HLA-G: variants seen among roughly 807,000 people sequenced by gnomAD.
HLA-G encodes major histocompatibility complex, class I, G.
In HLA-G, 34 loss-of-function variants were observed where a neutral mutation model predicts 39.3. The observed-to-expected ratio is 0.86, with a 90% CI of 0.66 to 1.15. The LOEUF (loss-of-function observed/expected upper bound fraction) is 1.15. Ranked by LOEUF, HLA-G falls within the 50% of genes most tolerant of loss-of-function variation. The probability of loss-of-function intolerance (pLI) is 0.00; values close to 1 mark genes in which losing one functional copy is unlikely to be tolerated. For synonymous variants in HLA-G, 183 were observed against 185.8 expected (o/e 0.99, Z 0.12); for missense variants, 419 against 456.4 (o/e 0.92, Z 0.75).
chr6:29,829,956 G>A lies in HLA-G; in HGVS notation c.1012+24G>A. The A allele has an allele frequency of 1.9e-6, 3 of 1,541,280 alleles. No individual in the cohort carries two copies. The South Asian group carries it at 3.4e-5, about 18-fold the overall frequency. On this transcript the variant is annotated intron_variant, in intron 5 of 6. Coordinates refer to ENST00000360323, the MANE Select transcript of HLA-G (RefSeq NM_001384290.1). Reference sequence around the variant, plus strand: ...AGGTAAGGAAGGGGTGACAAGTGGGGTCTGAGTTTTCTTGTCCCACTGGGG... The same window carrying A: ...AGGTAAGGAAGGGGTGACAAGTGGGATCTGAGTTTTCTTGTCCCACTGGGG...
At position 29,829,270 on chromosome 6, in the gene HLA-G, G is replaced by GA. The variant is rs573587772; in HGVS notation, c.620-148_620-147insA. 125 of 869,308 alleles carry GA rather than the reference G, an allele frequency of 1.4e-4. No individual in the cohort carries two copies. The African/African-American group carries it at 2.0e-3, about 14-fold the overall frequency. The allele number at this position is 869,308 out of a possible 1,614,324, so 53.8% of individuals were successfully genotyped here. A position where few individuals can be genotyped will look rare whatever the true frequency, so the allele number is the denominator to read the frequency against. ...TCCAAGGAATAGGAGATTATCCCAG[G>GA]TGCCCGTGTCCAGGCTGGTGTCTGG... On this transcript the variant is annotated intron_variant, in intron 3 of 6. Coordinates refer to ENST00000360323, the MANE Select transcript of HLA-G (RefSeq NM_001384290.1).
chr6:29,828,197 G>A lies in HLA-G; in HGVS notation c.224G>A (p.Trp75Ter). ...CCGAGGATGGAGCCGCGGGCGCCGT[G>A]GGTGGAGCAGGAGGGGCCGGAGTAT... Reference protein sequence around the residue: ...ACPRMEPRAPWVEQEGPEYWE... With the variant: ...ACPRMEPRAP The change falls in exon 2 of 7, where the codon TGG becomes TAG. Residue 75 changes from tryptophan to a stop codon, truncating the protein, a stop_gained. Transcript: ENST00000360323. LOFTEE classifies it high-confidence loss of function. 6.2e-7 allele frequency: 1 copy of A among 1,613,534 alleles called. No individual in the cohort carries two copies. Among genetic ancestry groups the A allele is most frequent in the Non-Finnish European group, 8.5e-7 (1 of 1,179,874 alleles).
chr6:29,827,674 C>T (rs1026619712), upstream of HLA-G: 8 of 730,946 alleles, frequency 1.1e-5, no homozygotes, highest in African/African-American at 1.2e-4. Context: ...GGGATTCTCT[C>T]CTCCTTCTCC....
intron 4 of HLA-G, 36 bp from the exon 5 acceptor site, chr6:29,829,780 G>A: frequency 6.2e-7 from 1 of 1,600,590 alleles, no homozygotes; most frequent in Non-Finnish European, 8.5e-7. Flanking sequence ...GTGAGGGCTG[G>A]GGGTCAGAGA....
chr6:29,827,927 G>A lies in HLA-G; in HGVS notation c.73+10G>A. On this transcript the variant is annotated intron_variant, in intron 1 of 6. Transcript: ENST00000360323. Reference sequence around the variant, plus strand: ...ACCGAGACCTGGGCGGGTGAGTGCGGGGTCAGGAGGGAAACAGCCCCTGCG... The same window carrying A: ...ACCGAGACCTGGGCGGGTGAGTGCGAGGTCAGGAGGGAAACAGCCCCTGCG... 1 of 1,607,664 alleles carries A rather than the reference G, an allele frequency of 6.2e-7. No homozygotes were observed. Among genetic ancestry groups the A allele is most frequent in the Non-Finnish European group, 8.5e-7 (1 of 1,177,346 alleles).
chr6:29,827,310 A>G, upstream of HLA-G: 1 of 357,362 alleles, frequency 2.8e-6, no homozygotes, highest in Admixed American at 3.8e-5. Flanking sequence ...GGGGGAAAAA[A>G]AACCCTGTCT....
chr6:29,828,421 G>C (rs1171056859), intron 2 of HLA-G, 105 bp downstream of exon 2: 3 of 1,549,446 alleles, frequency 1.9e-6, no homozygotes, highest in Non-Finnish European at 2.6e-6. Context: ...CCCCGAGGCC[G>C]CGGGACCCGC....
chr6:29,826,560 T>C (rs1343934061), upstream of HLA-G, among the ~76,000 whole-genome samples: 1 of 151,624 alleles, frequency 6.6e-6, no homozygotes, highest in Non-Finnish European at 1.5e-5. Context: ...GAGAGGGTGG[T>C]GGGGATTAAG....
chr6:29,827,763 G>C, upstream of HLA-G: 1 of 1,396,968 alleles, frequency 7.2e-7, no homozygotes, highest in Non-Finnish European at 1.0e-6. Flanking sequence ...CAGGTTTTTA[G>C]AGAAGCCAAT....
intron 6 of HLA-G, 91 bp downstream of exon 6, chr6:29,830,501 T>C (rs1434882111): frequency 1.8e-6 from 2 of 1,095,308 alleles, no homozygotes; most frequent in African/African-American, 3.1e-5. Flanking sequence ...ATTCCTCCTC[T>C]GGCCACATCT....
rs758548929 is a variant in HLA-G, at chr6:29,829,843, T to A, written c.923T>A (p.Ile308Asn). ...WKQSSLPTIP[I>N]MGIVAGLVVL... ...CAGTCTTCCCTGCCCACCATCCCCATCATGGGTATCGTTGCTGGCCTGGTT... is the reference window on the plus strand; with the variant it reads ...CAGTCTTCCCTGCCCACCATCCCCAACATGGGTATCGTTGCTGGCCTGGTT... Residue 308 changes from isoleucine to asparagine, a missense_variant, in exon 5 of 7, where the codon ATC (isoleucine) becomes AAC (asparagine). Physicochemically the swap from Ile to Asn is moderately radical, Grantham distance 149. Coordinates refer to ENST00000360323, the MANE Select transcript of HLA-G (RefSeq NM_001384290.1). 1 of 1,613,942 alleles carries A rather than the reference T, an allele frequency of 6.2e-7. No homozygotes were observed. The highest frequency in any genetic ancestry group is 8.5e-7 in the Non-Finnish European group (1 of 1,179,922).
intron 1 of HLA-G, 27 bp downstream of exon 1, chr6:29,827,944 G>GC: frequency 6.3e-7 from 1 of 1,597,116 alleles, no homozygotes; most frequent in South Asian, 1.1e-5. Context: ...GAGGGAAACA[G>GC]CCCCTGCGCG....
chr6:29,826,879 G>A (rs1427043023), upstream of HLA-G: 1 of 423,276 alleles, frequency 2.4e-6, no homozygotes, highest in Non-Finnish European at 4.9e-6. Context: ...AACAGGCAGT[G>A]CGTGAGCACT....
upstream of HLA-G, chr6:29,827,584 C>A (rs891265583): frequency 1.0e-5 from 5 of 500,470 alleles, no homozygotes; most frequent in African/African-American, 2.0e-5. Flanking sequence ...GGGGTCAGGG[C>A]GAAGTCCCAG....
At chr6:29,828,509 C>T (rs764106540) in intron 2 of HLA-G, 34 bp from the exon 3 acceptor site, 6 of 1,600,282 alleles carry the variant, frequency 3.7e-6, no homozygotes, top group Admixed American at 3.4e-5. Context: ...GGGCGAGGCT[C>T]GGTGGGCGGG....
intron 1 of HLA-G, 61 bp from the exon 2 acceptor site, chr6:29,827,986 A>G: frequency 1.9e-6 from 3 of 1,591,308 alleles, no homozygotes; most frequent in South Asian, 1.1e-5. Flanking sequence ...GCGGGGGCGC[A>G]GGACTCGGCA....
upstream of HLA-G, chr6:29,827,668 T>G (rs1760782242): frequency 8.4e-6 from 6 of 710,898 alleles, no homozygotes; most frequent in South Asian, 7.7e-5. Context: ...GCGTTGGGGA[T>G]TCTCTCCTCC....
At position 29,829,908 on chromosome 6, in the gene HLA-G, G is replaced by A. The variant is rs1242436454; in HGVS notation, c.988G>A (p.Val330Met). ...AGTCACTGGAGCTGCGGTCGCTGCT[G>A]TGCTGTGGAGAAAGAAGAGCTCAGG... ...AVVTGAAVAA[V>M]LWRKKSSD Residue 330 changes from valine (V) to methionine (M), a missense_variant, in exon 5 of 7, where the codon GTG becomes ATG. Physicochemically the swap from Val to Met is conservative, Grantham distance 21 (BLOSUM62 1). This residue lies in a region of HLA-G where 328 missense variants were observed against 323.0 expected (regional missense o/e 1.02). Coordinates refer to ENST00000360323, the MANE Select transcript of HLA-G (RefSeq NM_001384290.1). The A allele has an allele frequency of 2.5e-6, 4 of 1,613,484 alleles. No homozygotes were observed. Among genetic ancestry groups the A allele is most frequent in the Non-Finnish European group, 3.4e-6 (4 of 1,179,556 alleles).
chr6:29,829,572 G>A lies in HLA-G; in HGVS notation c.774G>A (p.Arg258=). Residue 258 remains arginine, a synonymous_variant, in exon 4 of 7, where the codon AGG becomes AGA. Transcript: ENST00000360323. ...AGGACGTGGAGCTCGTGGAGACCAG[G>A]CCTGCAGGGGATGGAACCTTCCAGA... is the stretch of plus-strand genomic sequence containing the variant. The part of the protein sequence containing the change: ...QTQDVELVET[R]PAGDGTFQKW... 3 of 1,614,078 alleles carry A rather than the reference G, an allele frequency of 1.9e-6. No individual in the cohort carries two copies. The highest frequency in any genetic ancestry group is 2.5e-6 in the Non-Finnish European group (3 of 1,179,996).
Sources: allele counts gnomAD v4.1 joint callset (sites outside exome capture counted in the v4.1 genomes callset), GRCh38; gene constraint gnomAD v4.1.1; regional missense constraint gnomAD v4.1.1; transcripts MANE v1.5; gene names NCBI Gene and HGNC (gene_info 2026-07-23, HGNC 2026-07-21).